Variants in SLC28A3 observed in about 807,000 individuals in gnomAD.
SLC28A3 encodes the protein concentrative Na(+)-nucleoside cotransporter 3.
SLC28A3 carries 68 observed loss-of-function variants against 84.2 expected under a neutral mutation model. The ratio of observed to expected loss-of-function variants is 0.81; its 90% CI spans 0.66 to 0.99. SLC28A3 has a LOEUF of 0.99. SLC28A3 is among the 50% of genes least tolerant of loss of function. The probability of loss-of-function intolerance (pLI) is 0.00; values close to 1 mark genes in which losing one functional copy is unlikely to be tolerated. For missense variants in SLC28A3, 712 were observed against 841.5 expected (o/e 0.85, Z 1.90); for synonymous variants, 267 against 303.6 (o/e 0.88, Z 1.25).
intron 1 of SLC28A3, among the ~76,000 whole-genome samples, chr9:84,313,725 A>C (rs1826069012): frequency 6.6e-6 from 1 of 152,014 alleles, no homozygotes; most frequent in Admixed American, 6.6e-5. Flanking sequence ...TGTGTCTACT[A>C]AAAATATAAA....
At chr9:84,339,816 C>T (rs1273167255) in intron 1 of SLC28A3, among the ~76,000 whole-genome samples, 1 of 152,144 alleles carries the variant, frequency 6.6e-6, no homozygotes, top group Non-Finnish European at 1.5e-5. Flanking sequence ...CCTGTCAAAG[C>T]CCTTTTACCT....
chr9:84,287,665 C>A (rs1825048398), intron 12 of SLC28A3, among the ~76,000 whole-genome samples: 1 of 152,020 alleles, frequency 6.6e-6, no homozygotes, highest in Admixed American at 6.6e-5. Context: ...AGCTGGAGAT[C>A]AGCCTGGGCA....
At chr9:84,279,843 T>C in intron 16 of SLC28A3, 132 bp downstream of exon 16, 7 of 785,486 alleles carry the variant, frequency 8.9e-6, no homozygotes, top group Non-Finnish European at 1.2e-5. Flanking sequence ...CTTTACAGTA[T>C]GCTTAAGAGC....
chr9:84,320,654 TG>T (rs1306997532), intron 1 of SLC28A3, among the ~76,000 whole-genome samples: 1 of 152,112 alleles, frequency 6.6e-6, no homozygotes, highest in Non-Finnish European at 1.5e-5. Flanking sequence ...GCTTTGGGTG[TG>T]GGGGATTGCA....
chr9:84,279,913 C>A, intron 16 of SLC28A3, 62 bp downstream of exon 16: 1 of 1,528,576 alleles, frequency 6.5e-7, no homozygotes. Flanking sequence ...GGAGGCACTG[C>A]CTGTCCTGAA....
chr9:84,299,284 T>C (rs1484347570), intron 6 of SLC28A3, among the ~76,000 whole-genome samples: 2 of 152,152 alleles, frequency 1.3e-5, no homozygotes, highest in African/African-American at 4.8e-5. Context: ...TGGATCAAAA[T>C]GGATGAGTTT....
intron 2 of SLC28A3, among the ~76,000 whole-genome samples, chr9:84,311,781 G>A (rs936137530): frequency 6.6e-6 from 1 of 152,142 alleles, no homozygotes; most frequent in Non-Finnish European, 1.5e-5. Context: ...ACCTGAACCC[G>A]GGAGGTGGAG....
At chr9:84,288,652 C>T (rs1825092798) in intron 11 of SLC28A3, among the ~76,000 whole-genome samples, 1 of 152,092 alleles carries the variant, frequency 6.6e-6, no homozygotes, top group African/African-American at 2.4e-5. Context: ...TCAAGCGATT[C>T]TCCTGCTTCA....
At chr9:84,287,755 G>A (rs1388333743) in intron 12 of SLC28A3, among the ~76,000 whole-genome samples, 2 of 152,176 alleles carry the variant, frequency 1.3e-5, no homozygotes, top group African/African-American at 4.8e-5. Flanking sequence ...TTAAGAGGCT[G>A]AGGTGGGAGG....
chr9:84,364,120 CTTT>C, the SLC28A3 span, among the ~76,000 whole-genome samples: 708 of 85,298 alleles, frequency 8.3e-3, 5 homozygotes, highest in African/African-American at 0.033. Flanking sequence ...CAGTTACACT[CTTT>C]TTTTTTTTTT....
chr9:84,316,402 C>G (rs970101294), intron 1 of SLC28A3, among the ~76,000 whole-genome samples: 1 of 152,192 alleles, frequency 6.6e-6, no homozygotes, highest in Non-Finnish European at 1.5e-5. Flanking sequence ...GGGGGCAGCT[C>G]GGGGAATGTT....
chr9:84,283,662 AAGAG>A (rs768001781), intron 14 of SLC28A3, among the ~76,000 whole-genome samples: 3 of 152,218 alleles, frequency 2.0e-5, no homozygotes, highest in Non-Finnish European at 4.4e-5. Flanking sequence ...ATCTTTAGGA[AAGAG>A]AAAGTGATGC....
intron 8 of SLC28A3, among the ~76,000 whole-genome samples, 194 bp from the exon 9 acceptor site, chr9:84,294,469 T>C (rs145505262): frequency 6.6e-6 from 1 of 152,368 alleles, no homozygotes; most frequent in African/African-American, 2.4e-5. Context: ...CTTTGACTTT[T>C]TTCCCCTGTC....
the SLC28A3 span, among the ~76,000 whole-genome samples, chr9:84,361,590 G>A: frequency 6.6e-6 from 1 of 152,102 alleles, no homozygotes; most frequent in African/African-American, 2.4e-5. Context: ...TTCAGGCCCA[G>A]CTCTCCCGCG....
chr9:84,286,845 T>A (rs1825010188), intron 12 of SLC28A3, among the ~76,000 whole-genome samples: 1 of 152,134 alleles, frequency 6.6e-6, no homozygotes, highest in Non-Finnish European at 1.5e-5. Flanking sequence ...GGTATCTGTC[T>A]TCCTGAAATT....
Position 84,286,082 on chromosome 9 carries a change from G to T in SLC28A3, c.1310C>A (p.Thr437Lys). 6.2e-7 allele frequency: 1 copy of T among 1,613,966 alleles called. No homozygotes were observed. Among genetic ancestry groups the T allele is most frequent in the Non-Finnish European group, 8.5e-7 (1 of 1,179,916 alleles). ...GGAGATGGAGGAGGATGCTCCCTGTGTTGCAGCTTCTAGAAGATTCCCTGA... is the reference window on the plus strand; with the variant it reads ...GGAGATGGAGGAGGATGCTCCCTGTTTTGCAGCTTCTAGAAGATTCCCTGA... Reference protein sequence around the residue: ...GDSGNLLEAATQGASSSISLV... With the variant: ...GDSGNLLEAAKQGASSSISLV... The change falls in exon 13 of 18, where the codon ACA becomes AAA. Residue 437 changes from threonine (T) to lysine (K), a missense_variant. Coordinates refer to ENST00000376238, the MANE Select transcript of SLC28A3 (RefSeq NM_001199633.2).
At chr9:84,351,173 T>A in the SLC28A3 span, among the ~76,000 whole-genome samples, 53,467 of 152,120 alleles carry the variant, frequency 0.35, 12,408 homozygotes, top group African/African-American at 0.65. Flanking sequence ...CTTTGCTAAA[T>A]ACTACAGCAT....
intron 2 of SLC28A3, among the ~76,000 whole-genome samples, chr9:84,310,217 TGGG>T (rs1825944511): frequency 2.0e-5 from 3 of 152,202 alleles, no homozygotes; most frequent in African/African-American, 7.2e-5. Context: ...AGCCTCCCCT[TGGG>T]AACTAGGATC....
chr9:84,330,504 G>A (rs186734605), intron 1 of SLC28A3, among the ~76,000 whole-genome samples: 25 of 152,278 alleles, frequency 1.6e-4, no homozygotes, highest in Non-Finnish European at 2.5e-4. Context: ...CTGAGTGCTT[G>A]AAATGTGACT....
Sources: gnomAD v4.1 joint callset for allele counts (sites outside exome capture counted in the v4.1 genomes callset) on GRCh38, gnomAD v4.1.1 for gene constraint, MANE v1.5 for transcripts, NCBI Gene and HGNC (gene_info 2026-07-23, HGNC 2026-07-21) for gene names.